The following VPS13B variants were observed in gnomAD, a reference collection of about 807,000 sequenced individuals.
The protein encoded by VPS13B is vacuolar protein sorting 13 homolog B.
VPS13B carries 285 observed loss-of-function variants against 426.4 expected under a neutral mutation model. The observed-to-expected ratio is 0.67, with a 90% CI of 0.61 to 0.74. The LOEUF (loss-of-function observed/expected upper bound fraction) is 0.74, where lower values mean the gene tolerates loss of function less well. Ranked by LOEUF, VPS13B falls within the 30% of genes least tolerant of loss-of-function variation. VPS13B has a pLI of 0.00. For missense variants in VPS13B, 4,537 were observed against 4,782.6 expected (o/e 0.95, Z 1.51); for synonymous variants, 1,676 against 1,676.4 (o/e 1.00, Z 0.01).
intron 35 of VPS13B, 38 bp downstream of exon 35, chr8:99,661,529 T>G (rs1432349571): frequency 6.2e-7 from 1 of 1,604,330 alleles, no homozygotes; most frequent in South Asian, 1.1e-5. Context: ...TGTACATTTT[T>G]TATGTGAATA....
At chr8:99,445,549 T>C (rs1402872704) in intron 23 of VPS13B, among the ~76,000 whole-genome samples, 1 of 150,276 alleles carries the variant, frequency 6.7e-6, no homozygotes, top group Non-Finnish European at 1.5e-5. Context: ...ATTGTATAAA[T>C]ATATGTAAAT....
At chr8:99,641,726 C>T (rs1829372157) in intron 33 of VPS13B, 85 bp from the exon 34 acceptor site, 1 of 1,352,086 alleles carries the variant, frequency 7.4e-7, no homozygotes. Context: ...AAAATTTTCT[C>T]TTTGACAACA....
intron 43 of VPS13B, among the ~76,000 whole-genome samples, chr8:99,795,309 G>A (rs529458674): frequency 8.5e-5 from 13 of 152,234 alleles, no homozygotes; most frequent in South Asian, 6.2e-4. Flanking sequence ...TTCCACCCAT[G>A]TCCAATAACA....
At chr8:99,646,506 C>G (rs1208610632) in intron 34 of VPS13B, among the ~76,000 whole-genome samples, 1 of 152,146 alleles carries the variant, frequency 6.6e-6, no homozygotes, top group African/African-American at 2.4e-5. Flanking sequence ...GCCTGGATGA[C>G]AGATTGAGAC....
intron 16 of VPS13B, among the ~76,000 whole-genome samples, chr8:99,180,814 C>T (rs773378511): frequency 4.6e-5 from 7 of 152,002 alleles, no homozygotes; most frequent in Admixed American, 2.6e-4. Context: ...ATAAAAGCAA[C>T]GTAAGTAGGT....
intron 21 of VPS13B, among the ~76,000 whole-genome samples, chr8:99,407,872 C>T (rs1462770264): frequency 6.6e-6 from 1 of 152,084 alleles, no homozygotes; most frequent in African/African-American, 2.4e-5. Context: ...TTTATTTCTG[C>T]TGTGCTGCTG....
chr8:99,607,798 AT>A (rs1357742427), intron 33 of VPS13B, among the ~76,000 whole-genome samples: 1 of 152,178 alleles, frequency 6.6e-6, no homozygotes, highest in Admixed American at 6.5e-5. Context: ...ACATTTAAAA[AT>A]ATTAATTCAT....
chr8:99,621,258 A>G (rs942487590), intron 33 of VPS13B, among the ~76,000 whole-genome samples: 1 of 152,236 alleles, frequency 6.6e-6, no homozygotes, highest in African/African-American at 2.4e-5. Flanking sequence ...ATATGGAGAT[A>G]TAATTGAGAA....
intron 3 of VPS13B, among the ~76,000 whole-genome samples, chr8:99,065,513 C>G (rs183271546): frequency 1.3e-5 from 2 of 150,620 alleles, no homozygotes; most frequent in African/African-American, 2.4e-5. Context: ...GAACGTATCT[C>G]AAGAGCTATT....
rs113749796 is a variant in VPS13B at position 99,176,697 on chromosome 8, T to C, written c.2333+6534T>C. ...CCAGCTAGCACAAACACTTTTCACT[T>C]TTTGTGAAATACCTTTTTATTTTGT... On this transcript the variant is annotated intron_variant, in intron 16 of 61. Transcript: ENST00000357162. Among the ~76,000 whole-genome samples the C allele has an allele frequency of 3.9e-3, 590 of 152,362 alleles. 6 individuals are homozygous for C. Among genetic ancestry groups the C allele is most frequent in the African/African-American group, 0.013 (525 of 41,592 alleles).
intron 25 of VPS13B, among the ~76,000 whole-genome samples, chr8:99,487,122 A>C (rs557136170): frequency 2.6e-5 from 4 of 152,098 alleles, no homozygotes; most frequent in Non-Finnish European, 5.9e-5. Context: ...AAAAAAAAAA[A>C]AACAGAGGAC....
At chr8:99,812,143 G>A (rs762586183) in intron 44 of VPS13B, among the ~76,000 whole-genome samples, 3 of 152,136 alleles carry the variant, frequency 2.0e-5, no homozygotes, top group Admixed American at 6.5e-5. Context: ...TTCTAAAAAT[G>A]TCTGGCAGTT....
intron 16 of VPS13B, among the ~76,000 whole-genome samples, chr8:99,172,814 C>G (rs575785305): frequency 1.0e-3 from 158 of 152,246 alleles, no homozygotes; most frequent in Non-Finnish European, 1.6e-3. Context: ...ATCCCAGTTA[C>G]TGAGTCTTTA....
chr8:99,187,729 GA>G (rs1168371393), intron 16 of VPS13B, among the ~76,000 whole-genome samples: 1 of 152,206 alleles, frequency 6.6e-6, no homozygotes, highest in Non-Finnish European at 1.5e-5. Flanking sequence ...AACACTTTGG[GA>G]GGGTGAGGCA....
chr8:99,868,083 G>A (rs934843493), intron 58 of VPS13B: 56 of 596,996 alleles, frequency 9.4e-5, no homozygotes, highest in African/African-American at 5.2e-4. Flanking sequence ...ACCAAACTCC[G>A]TCTGAACATT....
intron 2 of VPS13B, among the ~76,000 whole-genome samples, chr8:99,023,048 T>C (rs1841974241): frequency 6.6e-6 from 1 of 151,908 alleles, no homozygotes; most frequent in Non-Finnish European, 1.5e-5. Context: ...TAGAGTGCAG[T>C]GTTGATCATT....
At chr8:99,634,874 A>C (rs1316692877) in intron 33 of VPS13B, among the ~76,000 whole-genome samples, 1 of 151,984 alleles carries the variant, frequency 6.6e-6, no homozygotes, top group Non-Finnish European at 1.5e-5. Flanking sequence ...TTCATTAATA[A>C]AATGATAAAG....
At chr8:99,408,208 T>C (rs1014200777) in intron 21 of VPS13B, among the ~76,000 whole-genome samples, 14 of 152,174 alleles carry the variant, frequency 9.2e-5, no homozygotes, top group Non-Finnish European at 2.1e-4. Context: ...ATAACCTTTT[T>C]TGGCTATTTT....
chr8:99,872,022 T>C (rs1817443968), intron 61 of VPS13B, among the ~76,000 whole-genome samples: 1 of 152,140 alleles, frequency 6.6e-6, no homozygotes, highest in Non-Finnish European at 1.5e-5. Flanking sequence ...GGGTGCTCGA[T>C]GGACAGGAAA....
Sources: allele counts gnomAD v4.1 joint callset (sites outside exome capture counted in the v4.1 genomes callset), GRCh38; gene constraint gnomAD v4.1.1; transcripts MANE v1.5; gene names NCBI Gene and HGNC (gene_info 2026-07-23, HGNC 2026-07-21).